Variants in TRPM1 observed in about 807,000 individuals in gnomAD.
The protein encoded by TRPM1 is transient receptor potential cation channel subfamily M member 1, also known as TRPM1-203 APA Isoform, Intron 10.
In TRPM1, 113 loss-of-function variants were observed where a neutral mutation model predicts 149.4. The observed-to-expected ratio is 0.76, with a 90% CI of 0.65 to 0.88. TRPM1 has a LOEUF of 0.88. TRPM1 is among the 40% of genes least tolerant of loss of function. The pLI, the probability that TRPM1 is intolerant of heterozygous loss-of-function variation, is 0.00. For synonymous variants in TRPM1, 741 were observed against 759.5 expected (o/e 0.98, Z 0.40); for missense variants, 1,976 against 2,038.7 (o/e 0.97, Z 0.59).
intron 1 of TRPM1, among the ~76,000 whole-genome samples, chr15:31,127,278 G>A (rs2035963217): frequency 6.6e-6 from 1 of 152,102 alleles, no homozygotes; most frequent in Non-Finnish European, 1.5e-5. Context: ...TGCTACTTGG[G>A]GCCTCTTGTG....
At chr15:31,116,947 G>T (rs547350514) in intron 1 of TRPM1, among the ~76,000 whole-genome samples, 1 of 152,292 alleles carries the variant, frequency 6.6e-6, no homozygotes, top group East Asian at 1.9e-4. Context: ...ATGCCAAAAC[G>T]CAAGAAAAGG....
At position 31,029,386 on chromosome 15, in the gene TRPM1, C is replaced by A. The variant is rs780851772; in HGVS notation, c.3133G>T (p.Ala1045Ser). 6.2e-7 allele frequency: 1 copy of A among 1,613,724 alleles called. No individual in the cohort carries two copies. The highest frequency in any genetic ancestry group is 1.3e-5 in the African/African-American group (1 of 75,014). Residue 1045 changes from alanine (A) to serine (S), a missense_variant, in exon 24 of 28, where the codon GCC becomes TCC. Physicochemically the swap from Ala to Ser is moderately conservative, Grantham distance 99 (BLOSUM62 1). Transcript: ENST00000256552. ...GTAAACTTACGATTAATTTCCATGG[C>A]GTAGACTACATGACGATTGGAAAGC... is the stretch of plus-strand genomic sequence containing the variant. ...EVFADQIDLY[A>S]MEINPPCGEN...
chr15:31,066,995 T>C, intron 6 of TRPM1, 68 bp downstream of exon 6: 1 of 1,599,460 alleles, frequency 6.3e-7, no homozygotes, highest in South Asian at 1.1e-5. Context: ...TGCATCTGAA[T>C]CAACGGTTAC....
rs16956506 is a variant in TRPM1, at chr15:31,062,435, C to A, written c.1089+144G>T. 0.015 allele frequency: 16,064 copies of A among 1,062,750 alleles called. 332 individuals carry two copies. Among genetic ancestry groups the A allele is most frequent in the African/African-American group, 0.089 (5,622 of 63,430 alleles). The allele number at this position is 1,062,750 out of a possible 1,614,324, so 65.8% of individuals were successfully genotyped here. On this transcript the variant is annotated intron_variant, in intron 9 of 27. Transcript: ENST00000256552. ...GCTTCTGTCATGTGGACACAGCCAC[C>A]AATTTGGTATGCATTTGTACTGTCT...
chr15:31,030,581 G>A (rs1461975083), intron 23 of TRPM1, among the ~76,000 whole-genome samples: 2 of 152,208 alleles, frequency 1.3e-5, no homozygotes, highest in Non-Finnish European at 2.9e-5. Flanking sequence ...AATGGGCTCT[G>A]ATGGCTTTAA....
At position 31,032,978 on chromosome 15, in the gene TRPM1, C is replaced by T. The variant is rs961980465; in HGVS notation, c.2701-38G>A. 1.1e-5 allele frequency: 17 copies of T among 1,612,796 alleles called. No individual in the cohort carries two copies. The Admixed American group carries it at 1.3e-4, about 13-fold the overall frequency. ...CCCAAAGAACAATAAACTGAGATGCCGTATTAGAAGTCTTGTCTTAGAATC... is the reference window on the plus strand; with the variant it reads ...CCCAAAGAACAATAAACTGAGATGCTGTATTAGAAGTCTTGTCTTAGAATC... On this transcript the variant is annotated intron_variant, in intron 21 of 27. Transcript: ENST00000256552.
In TRPM1 at chr15:31,088,798, C is replaced by G. The variant is rs983067989; in HGVS notation, c.-83-7360G>C. ...GGTATCAAACACCTGAACGTTCTTT[C>G]TGCTGGGGGGATGCGTCAGAGGAGG... On this transcript the variant is annotated intron_variant, in intron 1 of 27. Transcript: ENST00000256552. Among the ~76,000 whole-genome samples the G allele has an allele frequency of 1.2e-4, 12 of 101,176 alleles. No individual in the cohort carries two copies. In the South Asian group the frequency reaches 3.1e-3, roughly 26 times the overall value. 66.4% of individuals were successfully genotyped at this position (101,176 alleles called of 152,430 possible).
chr15:31,081,769 C>T (rs538500876), intron 1 of TRPM1, among the ~76,000 whole-genome samples: 2 of 152,306 alleles, frequency 1.3e-5, no homozygotes, highest in South Asian at 4.2e-4. Context: ...TTTACTCAAC[C>T]TCCCGGTGGA....
Position 31,062,888 on chromosome 15 carries a change from T to C in TRPM1, c.966-186A>G. The C allele has an allele frequency of 4.1e-6, 4 of 977,480 alleles. No homozygotes were observed. The South Asian group carries it at 5.9e-5, about 14-fold the overall frequency. The allele number at this position is 977,480 out of a possible 1,614,324, so 60.6% of individuals were successfully genotyped here. A position where few individuals can be genotyped will look rare whatever the true frequency, so the allele number is the denominator to read the frequency against. On this transcript the variant is annotated intron_variant, in intron 8 of 27. Transcript: ENST00000256552. ...CCTAAATTCCAGCTTTGTTGCAAACTTTCTAAGGGCAAATGAAGTTGGAAA... is the reference window on the plus strand; with the variant it reads ...CCTAAATTCCAGCTTTGTTGCAAACCTTCTAAGGGCAAATGAAGTTGGAAA...
chr15:31,003,203 T>G, intron 27 of TRPM1, 133 bp from the exon 28 acceptor site: 2 of 792,260 alleles, frequency 2.5e-6, no homozygotes, highest in Non-Finnish European at 3.9e-6. Context: ...TTTACAAGCT[T>G]CACAATCCCC....
chr15:31,111,025 G>T (rs557101236), intron 1 of TRPM1, among the ~76,000 whole-genome samples: 1 of 151,774 alleles, frequency 6.6e-6, no homozygotes, highest in South Asian at 2.1e-4. Context: ...GCATTTAATG[G>T]TTTTTTGTTT....
chr15:31,141,718 A>T (rs2036165135), intron 1 of TRPM1, among the ~76,000 whole-genome samples: 1 of 152,230 alleles, frequency 6.6e-6, no homozygotes, highest in East Asian at 1.9e-4. Context: ...GAAATTTAGG[A>T]CAACAAGGTT....
chr15:31,100,775 T>C (rs2035497728), intron 1 of TRPM1, among the ~76,000 whole-genome samples: 1 of 152,216 alleles, frequency 6.6e-6, no homozygotes, highest in South Asian at 2.1e-4. Flanking sequence ...ATTTTAAAAG[T>C]GACTGCGTGA....
intron 1 of TRPM1, among the ~76,000 whole-genome samples, chr15:31,088,861 G>C (rs866894176): frequency 1.2e-5 from 1 of 83,094 alleles, no homozygotes; most frequent in Non-Finnish European, 2.5e-5. Context: ...CCTGCTGCGG[G>C]TATTGACATT....
chr15:31,051,533 G>C (rs894091975), intron 11 of TRPM1, among the ~76,000 whole-genome samples: 4 of 152,196 alleles, frequency 2.6e-5, no homozygotes, highest in Admixed American at 2.6e-4. Context: ...CTTCCTCCTA[G>C]AGTCTCTTCC....
chr15:31,147,242 C>G (rs2036234733), intron 1 of TRPM1, among the ~76,000 whole-genome samples: 1 of 152,260 alleles, frequency 6.6e-6, no homozygotes, highest in African/African-American at 2.4e-5. Flanking sequence ...TGGCACACAA[C>G]TGTGCTATGC....
In TRPM1 at chr15:31,035,549, T is replaced by A. The variant is rs765711170; in HGVS notation, c.2697A>T (p.Arg899=). ...YIVSLALEKI[R]EILMSEPGKL... Reference sequence around the variant, plus strand: ...GGGAGGCCTTTGGAGTAGCCACCTCTCGTATCTTCTCTAACGCCAGGCTCA... The same window carrying A: ...GGGAGGCCTTTGGAGTAGCCACCTCACGTATCTTCTCTAACGCCAGGCTCA... The change falls in exon 21 of 28, where the codon CGA becomes CGT. Residue 899 remains arginine, a synonymous_variant. Transcript: ENST00000256552. 1.2e-6 allele frequency: 2 copies of A among 1,614,034 alleles called. No homozygotes were observed. Among genetic ancestry groups the A allele is most frequent in the African/African-American group, 2.7e-5 (2 of 74,916 alleles).
chr15:31,089,745 C>T (rs1280032705), intron 1 of TRPM1, among the ~76,000 whole-genome samples: 2 of 152,206 alleles, frequency 1.3e-5, no homozygotes, highest in Admixed American at 6.5e-5. Flanking sequence ...TTGCTTTAGA[C>T]TTGTAATAGG....
intron 1 of TRPM1, among the ~76,000 whole-genome samples, chr15:31,113,553 G>C (rs927609843): frequency 2.7e-5 from 4 of 147,302 alleles, no homozygotes; most frequent in Non-Finnish European, 5.9e-5. Flanking sequence ...CTCCTAAAAT[G>C]TTTTTTTTTA....
Sources: gnomAD v4.1 joint callset for allele counts (sites outside exome capture counted in the v4.1 genomes callset) on GRCh38, gnomAD v4.1.1 for gene constraint, MANE v1.5 for transcripts, NCBI Gene and HGNC (gene_info 2026-07-23, HGNC 2026-07-21) for gene names.